Variants in RBP4 observed in about 807,000 individuals in gnomAD.
The protein encoded by RBP4 is retinol binding protein 4, also known as retinol-binding protein 4.
Under a neutral mutation model 26.2 loss-of-function variants are expected in RBP4, and 9 were observed. The observed-to-expected ratio is 0.34, with a 90% CI of 0.21 to 0.60. The LOEUF is 0.60. Among genes scored for constraint, RBP4 ranks in the 20% least tolerant of loss-of-function variants. RBP4 has a pLI of 0.80. For missense variants in RBP4, 244 were observed against 271.3 expected, an observed-to-expected ratio of 0.90 and a Z score of 0.71; for synonymous variants, 114 against 111.0, an observed-to-expected ratio of 1.03 and a Z score of -0.17.
chr10:93,594,115 T>C (rs868310348), intron 4 of RBP4, 80 bp from the exon 5 acceptor site: 2 of 1,340,580 alleles, frequency 1.5e-6, no homozygotes, highest in Middle Eastern at 3.6e-4. Flanking sequence ...CGACCAGGCC[T>C]GAGAACACAG....
At position 93,591,874 on chromosome 10, in the gene RBP4, T is replaced by A. The variant is rs959736620; in HGVS notation, c.*201A>T. The A allele has an allele frequency of 8.4e-6, 5 of 593,718 alleles. No homozygotes were observed. Among genetic ancestry groups the A allele is most frequent in the Non-Finnish European group, 1.5e-5 (5 of 334,294 alleles). The allele number at this position is 593,718 out of a possible 1,614,324, so 36.8% of individuals were successfully genotyped here. The stretch of plus-strand genomic sequence containing the variant: ...GTGACTATAGTTTAATGAATCAGAG[T>A]CTGGAATCTTAAGCCCCAGAAACTT... On this transcript the variant is annotated 3_prime_UTR_variant, in exon 6 of 6. Coordinates refer to ENST00000371464, the MANE Select transcript of RBP4 (RefSeq NM_006744.4).
At chr10:93,593,584 G>A (rs1340029932) in intron 5 of RBP4, among the ~76,000 whole-genome samples, 1 of 152,084 alleles carries the variant, frequency 6.6e-6, no homozygotes, top group African/African-American at 2.4e-5. Context: ...GAGAGCCCAC[G>A]GCAGTGTTAG....
At chr10:93,598,025 G>C (rs891548781) in intron 4 of RBP4, among the ~76,000 whole-genome samples, 3 of 152,228 alleles carry the variant, frequency 2.0e-5, no homozygotes, top group African/African-American at 7.2e-5. Flanking sequence ...GGCATTGTTT[G>C]TGCCTTTTTA....
upstream of RBP4, chr10:93,601,570 A>G (rs1215726290): frequency 1.0e-5 from 7 of 679,468 alleles, no homozygotes; most frequent in Non-Finnish European, 2.7e-6. Context: ...GCTCGAGTCA[A>G]CCTGGCGGGA....
At chr10:93,601,638 C>A (rs775846026), upstream of RBP4, 1 of 775,602 alleles carries the variant, frequency 1.3e-6, no homozygotes, top group African/African-American at 1.7e-5. Flanking sequence ...GCGTGAGTGC[C>A]CAGGCCCTGG....
rs547997233 is a variant in RBP4, at chr10:93,599,059, G to A, written c.355+1334C>T. ...AGCCCAGGAGATCAAGACCAGCTTG[G>A]GCAAGCTGGGGAGACCCTGACTCCA... On this transcript the variant is annotated intron_variant, in intron 4 of 5. Transcript: ENST00000371464. 2.0e-5 allele frequency among the ~76,000 whole-genome samples: 3 copies of A among 151,592 alleles called. No homozygotes were observed. The South Asian group carries it at 6.3e-4, about 32-fold the overall frequency.
rs1267538782 is a variant in RBP4, at chr10:93,600,764, C to T, written c.151G>A (p.Glu51Lys). Residue 51 changes from glutamate (E) to lysine (K), a missense_variant, in exon 3 of 6, where the codon GAG becomes AAG. Transcript: ENST00000371464. ...TWYAMAKKDP[E>K]GLFLQDNIVA... ...ATGTTGTCCTGCAGAAAGAGGCCCT[C>T]GGGGTCCTTCTTGGCCATGGCGTAC... The T allele has an allele frequency of 1.3e-6, 2 of 1,589,034 alleles. No individual in the cohort carries two copies. The highest frequency in any genetic ancestry group is 2.2e-5 in the South Asian group (2 of 90,164).
chr10:93,598,708 T>C (rs1015327531), intron 4 of RBP4, among the ~76,000 whole-genome samples: 2 of 152,266 alleles, frequency 1.3e-5, no homozygotes, highest in Non-Finnish European at 2.9e-5. Context: ...GGGTCCTCTC[T>C]GACCCTGTGC....
At chr10:93,599,347 G>A (rs555075418) in intron 4 of RBP4, among the ~76,000 whole-genome samples, 30 of 152,280 alleles carry the variant, frequency 2.0e-4, no homozygotes, top group African/African-American at 7.0e-4. Flanking sequence ...AGAGGGTGGT[G>A]TGCCATATAT....
At chr10:93,593,177 T>G (rs76387880) in intron 5 of RBP4, among the ~76,000 whole-genome samples, 2 of 152,158 alleles carry the variant, frequency 1.3e-5, no homozygotes, top group East Asian at 3.9e-4. Flanking sequence ...CAGTATCCCA[T>G]AGCAATGAGT....
chr10:93,591,902 A>G lies in RBP4; in HGVS notation c.*173T>C. 3.2e-6 allele frequency: 2 copies of G among 627,660 alleles called. No homozygotes were observed. Among genetic ancestry groups the G allele is most frequent in the Non-Finnish European group, 2.8e-6 (1 of 352,956 alleles). 38.9% of individuals were successfully genotyped at this position (627,660 alleles called of 1,614,324 possible). A position where few individuals can be genotyped will look rare whatever the true frequency, so the allele number is the denominator to read the frequency against. On this transcript the variant is annotated 3_prime_UTR_variant, in exon 6 of 6. Transcript: ENST00000371464. ...GGAATCTTAAGCCCCAGAAACTTTC[A>G]GGAAAGGCAAGCAGATTCACTGACC...
At chr10:93,600,853 G>A in intron 2 of RBP4, 50 bp from the exon 3 acceptor site, 1 of 1,575,258 alleles carries the variant, frequency 6.3e-7, no homozygotes, top group Non-Finnish European at 8.6e-7. Context: ...CGCACGGCGG[G>A]CCGCGGGGAG....
intron 4 of RBP4, among the ~76,000 whole-genome samples, chr10:93,598,101 T>C (rs1047701897): frequency 6.6e-6 from 1 of 152,214 alleles, no homozygotes; most frequent in African/African-American, 2.4e-5. Context: ...GGCCAGTCAC[T>C]TCTCTATGGG....
chr10:93,594,107 A>G lies in RBP4; in HGVS notation c.356-72T>C, dbSNP rs954787940. 1.8e-5 allele frequency: 26 copies of G among 1,433,244 alleles called. No individual in the cohort carries two copies. The African/African-American group carries it at 3.5e-4, about 19-fold the overall frequency. 88.8% of individuals were successfully genotyped at this position (1,433,244 alleles called of 1,614,324 possible). On this transcript the variant is annotated intron_variant, in intron 4 of 5. Transcript: ENST00000371464. ...GGCTCAGATGTCGGAGAAACTCACG[A>G]CCAGGCCTGAGAACACAGTGACTTC...
chr10:93,593,045 T>C (rs986095759), intron 5 of RBP4, among the ~76,000 whole-genome samples: 8 of 152,310 alleles, frequency 5.3e-5, no homozygotes, highest in Admixed American at 5.2e-4. Flanking sequence ...CTTGAACTCC[T>C]GACCTCATGT....
At chr10:93,594,816 C>T (rs770917579) in intron 4 of RBP4, among the ~76,000 whole-genome samples, 4 of 152,102 alleles carry the variant, frequency 2.6e-5, no homozygotes, top group Non-Finnish European at 5.9e-5. Context: ...AAAATATCAA[C>T]GAAGGCAGGA....
At chr10:93,595,792 C>T (rs1284551804) in intron 4 of RBP4, among the ~76,000 whole-genome samples, 1 of 152,200 alleles carries the variant, frequency 6.6e-6, no homozygotes, top group Non-Finnish European at 1.5e-5. Context: ...GGGGGGCTGT[C>T]ACAGGAGTGG....
Position 93,600,889 on chromosome 10 carries a change from C to G in RBP4, c.111+29G>C, listed in dbSNP as rs778748029. On this transcript the variant is annotated intron_variant, in intron 2 of 5. Transcript: ENST00000371464. ...GGCGGGGATGGGGTGGGGACCTGGG[C>G]CGCCTGGGCCCCCTGGGCCGATACC... is the stretch of plus-strand genomic sequence containing the variant. 5.0e-6 allele frequency: 8 copies of G among 1,610,488 alleles called. 1 individual carries two copies. The South Asian group carries it at 8.8e-5, about 18-fold the overall frequency.
upstream of RBP4, chr10:93,601,352 C>T: frequency 1.6e-6 from 2 of 1,244,908 alleles, no homozygotes; most frequent in South Asian, 3.5e-5. Context: ...CATAACGCGC[C>T]CTGACTCACC....
Sources: allele counts gnomAD v4.1 joint callset (sites outside exome capture counted in the v4.1 genomes callset), GRCh38; gene constraint gnomAD v4.1.1; transcripts MANE v1.5; gene names NCBI Gene and HGNC (gene_info 2026-07-23, HGNC 2026-07-21).